The following CCDC85A variants were observed in gnomAD, a reference collection of about 807,000 sequenced individuals.
The protein encoded by CCDC85A is coiled-coil domain containing 85A, also known as coiled-coil domain-containing protein 85A.
In CCDC85A, 38 loss-of-function variants were observed where a neutral mutation model predicts 50.2. That is an observed-to-expected ratio of 0.76 (90% CI 0.58 to 0.99). The LOEUF is 0.99. Among genes scored for constraint, CCDC85A ranks in the 50% least tolerant of loss-of-function variants. The probability of loss-of-function intolerance (pLI) is 0.00; values close to 1 mark genes in which losing one functional copy is unlikely to be tolerated. For missense variants in CCDC85A, 820 were observed against 742.0 expected (o/e 1.11, Z -1.22); for synonymous variants, 366 against 301.4 (o/e 1.21, Z -2.22).
chr2:56,268,526 C>T (rs1392734652), intron 2 of CCDC85A, among the ~76,000 whole-genome samples: 22 of 144,814 alleles, frequency 1.5e-4, no homozygotes, highest in African/African-American at 5.3e-4. Context: ...ACCTGGGAGG[C>T]GGAGGTTGCA....
At chr2:56,361,130 T>C (rs933438738) in intron 3 of CCDC85A, among the ~76,000 whole-genome samples, 1 of 152,118 alleles carries the variant, frequency 6.6e-6, no homozygotes, top group South Asian at 2.1e-4. Flanking sequence ...GGCGGGTGCC[T>C]GTAGTCCCAG....
At chr2:56,305,235 A>AT (rs1290393857) in intron 2 of CCDC85A, among the ~76,000 whole-genome samples, 2 of 152,230 alleles carry the variant, frequency 1.3e-5, no homozygotes, top group Non-Finnish European at 2.9e-5. Flanking sequence ...AGATGAATAC[A>AT]TATGTTTACT....
chr2:56,259,640 G>A (rs758074164), intron 2 of CCDC85A, among the ~76,000 whole-genome samples: 5 of 152,188 alleles, frequency 3.3e-5, no homozygotes, highest in Non-Finnish European at 7.3e-5. Context: ...TTCTCTTTGA[G>A]TCTGGGACCA....
chr2:56,359,369 A>G (rs559448054), intron 3 of CCDC85A, among the ~76,000 whole-genome samples: 19 of 152,188 alleles, frequency 1.2e-4, no homozygotes, highest in Non-Finnish European at 2.2e-4. Context: ...TAGAAGGGAC[A>G]ATTGTTGTGA....
chr2:56,311,889 C>A (rs1434051950), intron 2 of CCDC85A, among the ~76,000 whole-genome samples: 14 of 152,036 alleles, frequency 9.2e-5, no homozygotes, highest in Admixed American at 3.9e-4. Context: ...AGTTACATCC[C>A]AGCACAAACC....
chr2:56,380,629 A>C (rs1190928988), intron 5 of CCDC85A, among the ~76,000 whole-genome samples: 1 of 151,560 alleles, frequency 6.6e-6, no homozygotes, highest in Non-Finnish European at 1.5e-5. Flanking sequence ...CCACAGTAAA[A>C]AAATAAATAA....
chr2:56,188,837 A>G (rs934473416), intron 1 of CCDC85A, among the ~76,000 whole-genome samples: 1 of 152,232 alleles, frequency 6.6e-6, no homozygotes, highest in Non-Finnish European at 1.5e-5. Context: ...GTCCATAAAC[A>G]CATATTGAGT....
chr2:56,358,689 G>T (rs1436865798), intron 3 of CCDC85A, among the ~76,000 whole-genome samples: 1 of 152,120 alleles, frequency 6.6e-6, no homozygotes, highest in Non-Finnish European at 1.5e-5. Flanking sequence ...CAGTGGCCTG[G>T]ATTTAACTCT....
intron 2 of CCDC85A, among the ~76,000 whole-genome samples, chr2:56,305,102 C>CAAAAA (rs545097233): frequency 8.8e-6 from 1 of 113,386 alleles, no homozygotes; most frequent in African/African-American, 2.9e-5. Context: ...GACTCTGCCT[C>CAAAAA]AAAAAAAAAA....
intron 2 of CCDC85A, among the ~76,000 whole-genome samples, chr2:56,266,696 G>C (rs1442344186): frequency 6.7e-6 from 1 of 148,710 alleles, no homozygotes; most frequent in African/African-American, 2.5e-5. Flanking sequence ...TTTTCACTGA[G>C]AGTCTTACAT....
At chr2:56,269,889 C>G (rs1399271244) in intron 2 of CCDC85A, among the ~76,000 whole-genome samples, 3 of 152,146 alleles carry the variant, frequency 2.0e-5, no homozygotes, top group Non-Finnish European at 4.4e-5. Context: ...TCCACATTAG[C>G]TTTGCTGGTG....
chr2:56,293,927 C>G lies in CCDC85A; in HGVS notation c.1241-48952C>G, dbSNP rs147469228. Among the ~76,000 whole-genome samples, 1,313 of 152,220 alleles carry G rather than the reference C, an allele frequency of 8.6e-3. 29 individuals carry two copies. The highest frequency in any genetic ancestry group is 0.03 in the African/African-American group (1,227 of 41,532). ...CCTCAAAGATTTGGAACCAGAAATACCATTTGACCCAGCAATCCCATTACT... is the reference window on the plus strand; with the variant it reads ...CCTCAAAGATTTGGAACCAGAAATAGCATTTGACCCAGCAATCCCATTACT... On this transcript the variant is annotated intron_variant, in intron 2 of 5. Coordinates refer to ENST00000407595, the MANE Select transcript of CCDC85A (RefSeq NM_001080433.2).
chr2:56,323,087 C>G (rs762271875), intron 2 of CCDC85A, among the ~76,000 whole-genome samples: 1 of 151,912 alleles, frequency 6.6e-6, no homozygotes, highest in African/African-American at 2.4e-5. Context: ...AGGTGGGAAT[C>G]GAACAATGAG....
At chr2:56,195,267 A>G (rs1676479904) in intron 2 of CCDC85A, among the ~76,000 whole-genome samples, 1 of 152,256 alleles carries the variant, frequency 6.6e-6, no homozygotes, top group African/African-American at 2.4e-5. Context: ...CTTGCATTGT[A>G]GGTAAGGTGC....
intron 2 of CCDC85A, among the ~76,000 whole-genome samples, chr2:56,300,410 A>G (rs1302164239): frequency 6.6e-6 from 1 of 152,222 alleles, no homozygotes; most frequent in Non-Finnish European, 1.5e-5. Flanking sequence ...ATTTGTTGGT[A>G]AGTTGACTTA....
intron 4 of CCDC85A, 62 bp downstream of exon 4, chr2:56,372,540 T>A (rs1474988678): frequency 1.4e-6 from 2 of 1,420,722 alleles, no homozygotes; most frequent in African/African-American, 2.9e-5. Context: ...CTTCTGTTGC[T>A]AGAGAAAAAG....
In CCDC85A at chr2:56,193,227, G is replaced by A. The variant is rs1307895392; in HGVS notation, c.1027G>A (p.Ala343Thr). Residue 343 changes from alanine to threonine, a missense_variant, in exon 2 of 6, where the codon GCT (alanine) becomes ACT (threonine). Ala to Thr is a moderately conservative substitution (Grantham distance 58). Coordinates refer to ENST00000407595, the MANE Select transcript of CCDC85A (RefSeq NM_001080433.2). Reference sequence around the variant, plus strand: ...GAGCCCGGAGCATCTTCAGAAACACGCTCTTGGGGGGAGCCTAGAGCATCT... The same window carrying A: ...GAGCCCGGAGCATCTTCAGAAACACACTCTTGGGGGGAGCCTAGAGCATCT... ...GGSPEHLQKH[A>T]LGGSLEHLPR... 11 of 1,612,256 alleles carry A rather than the reference G, an allele frequency of 6.8e-6. No homozygotes were observed. Among genetic ancestry groups the A allele is most frequent in the Non-Finnish European group, 5.9e-6 (7 of 1,179,462 alleles).
At chr2:56,224,888 T>A (rs969572648) in intron 2 of CCDC85A, among the ~76,000 whole-genome samples, 1 of 152,148 alleles carries the variant, frequency 6.6e-6, no homozygotes, top group East Asian at 1.9e-4. Context: ...TCTCATTCTG[T>A]GGGTTGTGTT....
intron 2 of CCDC85A, among the ~76,000 whole-genome samples, chr2:56,335,491 C>T (rs536868588): frequency 2.0e-5 from 3 of 152,198 alleles, no homozygotes; most frequent in East Asian, 3.9e-4. Flanking sequence ...TTTATTAGCT[C>T]ACAGTTCTAG....
Sources: gnomAD v4.1 joint callset for allele counts (sites outside exome capture counted in the v4.1 genomes callset) on GRCh38, gnomAD v4.1.1 for gene constraint, MANE v1.5 for transcripts, NCBI Gene and HGNC (gene_info 2026-07-23, HGNC 2026-07-21) for gene names.